Variants in PRELID2 observed in about 807,000 individuals in gnomAD.
PRELID2 encodes PRELI domain-containing protein 2.
In PRELID2, 25 loss-of-function variants were observed where a neutral mutation model predicts 28.4. The observed-to-expected ratio is 0.88, with a 90% confidence interval of 0.64 to 1.23. The LOEUF (loss-of-function observed/expected upper bound fraction) is 1.23, where lower values mean the gene tolerates loss of function less well. Among genes scored for constraint, PRELID2 ranks in the 50% most tolerant of loss-of-function variants. The probability of loss-of-function intolerance (pLI) is 0.00; values close to 1 mark genes in which losing one functional copy is unlikely to be tolerated. For synonymous variants in PRELID2, 76 were observed against 71.6 expected, an observed-to-expected ratio of 1.06 and a Z score of -0.31; for missense variants, 201 against 214.4, an observed-to-expected ratio of 0.94 and a Z score of 0.39.
At chr5:145,327,583 G>T in the PRELID2 span, among the ~76,000 whole-genome samples, 2 of 151,980 alleles carry the variant, frequency 1.3e-5, no homozygotes, top group African/African-American at 4.8e-5. Flanking sequence ...TTTGATTGGA[G>T]AATGTAAACT....
intron 1 of PRELID2, among the ~76,000 whole-genome samples, chr5:145,652,709 T>C (rs1017342582): frequency 6.6e-6 from 1 of 152,028 alleles, no homozygotes; most frequent in Non-Finnish European, 1.5e-5. Flanking sequence ...CTGAGAGATT[T>C]TGTGACCACC....
At chr5:145,562,707 C>T (rs944391657) in intron 1 of PRELID2, among the ~76,000 whole-genome samples, 1 of 151,482 alleles carries the variant, frequency 6.6e-6, no homozygotes, top group Non-Finnish European at 1.5e-5. Context: ...TTCAAAAGTA[C>T]ACACAAGTTT....
the PRELID2 span, among the ~76,000 whole-genome samples, chr5:145,337,686 AAT>A: frequency 0.08 from 6,256 of 78,616 alleles, 146 homozygotes; most frequent in Non-Finnish European, 0.091. Flanking sequence ...GCATAGGGCA[AAT>A]ATATATATAT....
At chr5:145,353,820 C>T in the PRELID2 span, among the ~76,000 whole-genome samples, 86 of 152,230 alleles carry the variant, frequency 5.6e-4, no homozygotes, top group Middle Eastern at 3.4e-3. Flanking sequence ...GGGACACAGG[C>T]AAACCACATC....
the PRELID2 span, among the ~76,000 whole-genome samples, chr5:145,461,223 G>A: frequency 6.6e-6 from 1 of 152,282 alleles, no homozygotes; most frequent in South Asian, 2.1e-4. Flanking sequence ...ATAATAAGCA[G>A]CAATATGTAT....
the PRELID2 span, among the ~76,000 whole-genome samples, chr5:145,402,924 T>A: frequency 1.3e-5 from 2 of 152,152 alleles, no homozygotes; most frequent in African/African-American, 4.8e-5. Context: ...CCAGATACTA[T>A]ACACTGAGGA....
At chr5:145,667,326 A>G (rs141116595) in intron 1 of PRELID2, among the ~76,000 whole-genome samples, 6 of 152,204 alleles carry the variant, frequency 3.9e-5, no homozygotes, top group African/African-American at 1.4e-4. Context: ...TCTGCCTGCA[A>G]TATTCTGGCT....
chr5:145,692,656 G>A (rs981787567), intron 1 of PRELID2, among the ~76,000 whole-genome samples: 1 of 152,184 alleles, frequency 6.6e-6, no homozygotes, highest in African/African-American at 2.4e-5. Context: ...AAATGGCAAA[G>A]GAGTGATTAA....
intron 1 of PRELID2, among the ~76,000 whole-genome samples, chr5:145,715,576 C>T (rs1476428529): frequency 6.6e-6 from 1 of 152,166 alleles, no homozygotes; most frequent in South Asian, 2.1e-4. Flanking sequence ...CTTCCCACCC[C>T]AGCTTACAAC....
At chr5:145,334,108 G>T in the PRELID2 span, among the ~76,000 whole-genome samples, 2 of 152,114 alleles carry the variant, frequency 1.3e-5, no homozygotes, top group Non-Finnish European at 2.9e-5. Flanking sequence ...TGCATCCACT[G>T]TCTAACCAGT....
intron 1 of PRELID2, among the ~76,000 whole-genome samples, chr5:145,677,781 G>A (rs1331138975): frequency 1.3e-5 from 2 of 152,148 alleles, no homozygotes; most frequent in Non-Finnish European, 2.9e-5. Context: ...TGTGAATTAT[G>A]AATTTTGGGG....
intron 1 of PRELID2, among the ~76,000 whole-genome samples, chr5:145,697,992 A>AT (rs1163715253): frequency 1.4e-4 from 22 of 151,940 alleles, no homozygotes; most frequent in Admixed American, 3.3e-4. Context: ...CCCTCAAAAA[A>AT]AATATATATA....
At chr5:145,257,121 A>C in the PRELID2 span, among the ~76,000 whole-genome samples, 2 of 151,922 alleles carry the variant, frequency 1.3e-5, no homozygotes, top group African/African-American at 4.8e-5. Context: ...GTACTATATA[A>C]TTTTTAAGCC....
intron 1 of PRELID2, among the ~76,000 whole-genome samples, chr5:145,730,346 T>C (rs144968912): frequency 6.6e-6 from 1 of 152,172 alleles, no homozygotes; most frequent in Admixed American, 6.5e-5. Context: ...AGTGTAATTC[T>C]ACCCCATGCC....
At chr5:145,280,364 C>T in the PRELID2 span, among the ~76,000 whole-genome samples, 1 of 152,056 alleles carries the variant, frequency 6.6e-6, no homozygotes, top group African/African-American at 2.4e-5. Flanking sequence ...TTTCTTTGCT[C>T]ATGTTGTTAA....
At position 145,601,274 on chromosome 5, in the gene PRELID2, G is replaced by GA. The variant is rs200540995; in HGVS notation, n.71-127960dup. Among the ~76,000 whole-genome samples the GA allele has an allele frequency of 9.1e-3, 1,388 of 151,998 alleles. 29 individuals carry two copies. The highest frequency in any genetic ancestry group is 0.032 in the African/African-American group (1,318 of 41,470). On this transcript the variant is annotated intron_variant and non_coding_transcript_variant, in intron 1 of 2. Transcript: ENST00000510259. The stretch of plus-strand genomic sequence containing the variant: ...TCACAGCAGATTAGAAACAGTTGAT[G>GA]AAAAAACTGAAATAAATAAATTGCT...
At chr5:145,724,600 A>ATATATATATAT (rs1756080147) in intron 1 of PRELID2, among the ~76,000 whole-genome samples, 15 of 24,776 alleles carry the variant, frequency 6.1e-4, no homozygotes, top group Admixed American at 1.3e-3. Flanking sequence ...GAAGTAAATA[A>ATATATATATAT]ATATATATAT....
chr5:145,550,803 A>G (rs948119592), intron 1 of PRELID2, among the ~76,000 whole-genome samples: 7 of 152,190 alleles, frequency 4.6e-5, no homozygotes, highest in African/African-American at 1.7e-4. Context: ...TCAAGGATTT[A>G]AATCCCAGCA....
the PRELID2 span, among the ~76,000 whole-genome samples, chr5:145,399,860 A>G: frequency 1.3e-5 from 2 of 152,132 alleles, no homozygotes; most frequent in East Asian, 3.9e-4. Flanking sequence ...GTTCAGGGAA[A>G]TTCCCCCTGG....
Sources: allele counts gnomAD v4.1 joint callset (sites outside exome capture counted in the v4.1 genomes callset), GRCh38; gene constraint gnomAD v4.1.1; transcripts MANE v1.5; gene names NCBI Gene and HGNC (gene_info 2026-07-23, HGNC 2026-07-21).